LRCH1: variants seen among roughly 807,000 people sequenced by gnomAD.
The protein encoded by LRCH1 is leucine rich repeats and calponin homology domain containing 1.
In LRCH1, 23 loss-of-function variants were observed where a neutral mutation model predicts 94.9. The ratio of observed to expected loss-of-function variants is 0.24; its 90% CI spans 0.17 to 0.34. LRCH1 has a LOEUF of 0.34. Among genes scored for constraint, LRCH1 ranks in the 10% least tolerant of loss-of-function variants. The pLI is 1.00. For synonymous variants in LRCH1, 364 were observed against 354.9 expected (o/e 1.03, Z -0.29); for missense variants, 790 against 945.9 (o/e 0.84, Z 2.16).
chr13:46,711,832 T>C lies in LRCH1; in HGVS notation c.1569T>C (p.Tyr523=), dbSNP rs1471225684. 6.2e-7 allele frequency: 1 copy of C among 1,613,208 alleles called. No homozygotes were observed. Among genetic ancestry groups the C allele is most frequent in the Admixed American group, 1.7e-5 (1 of 59,980 alleles). ...CATTACAGAGTAACGGGAGCCAGTA[T>C]TCTCCAAATGAGGTAAGTTTCTTGA... ...DLTLQSNGSQ[Y]SPNEIRENSP... is the part of the protein sequence containing the mutation. Residue 523 remains tyrosine, a synonymous_variant, in exon 14 of 20, where the codon TAT becomes TAC. Transcript: ENST00000389797.
intron 16 of LRCH1, among the ~76,000 whole-genome samples, chr13:46,719,676 G>A (rs575146331): frequency 8.5e-5 from 13 of 152,188 alleles, no homozygotes; most frequent in African/African-American, 1.7e-4. Flanking sequence ...AGTAAATTGC[G>A]TATATGTGCA....
intron 19 of LRCH1, among the ~76,000 whole-genome samples, chr13:46,738,132 GAGA>G (rs1434175070): frequency 1.3e-5 from 2 of 152,178 alleles, no homozygotes; most frequent in African/African-American, 4.8e-5. Context: ...AGAAAAGATA[GAGA>G]AGAAGATTAA....
intron 2 of LRCH1, among the ~76,000 whole-genome samples, chr13:46,664,666 C>T (rs1474523310): frequency 6.6e-6 from 1 of 152,210 alleles, no homozygotes; most frequent in Non-Finnish European, 1.5e-5. Flanking sequence ...TCGAGCTGAG[C>T]ACACCTATGC....
At chr13:46,617,575 TC>T (rs1461625894) in intron 1 of LRCH1, among the ~76,000 whole-genome samples, 1 of 152,218 alleles carries the variant, frequency 6.6e-6, no homozygotes, top group Non-Finnish European at 1.5e-5. Context: ...TCGCAGGGGC[TC>T]GTCTCAACTG....
intron 11 of LRCH1, among the ~76,000 whole-genome samples, chr13:46,702,368 G>A (rs1268020192): frequency 6.6e-6 from 1 of 152,114 alleles, no homozygotes; most frequent in Non-Finnish European, 1.5e-5. Context: ...TGGGCATAGT[G>A]CCATGCGCCT....
intron 1 of LRCH1, among the ~76,000 whole-genome samples, chr13:46,593,434 G>A (rs2137966630): frequency 6.6e-6 from 1 of 151,718 alleles, no homozygotes; most frequent in African/African-American, 2.4e-5. Flanking sequence ...TCGTGCTGGA[G>A]AATACAAAGG....
intron 1 of LRCH1, among the ~76,000 whole-genome samples, chr13:46,593,211 T>G (rs2050519885): frequency 6.6e-6 from 1 of 151,944 alleles, no homozygotes. Context: ...CAGTGTATTT[T>G]CAAACATTTT....
chr13:46,708,046 A>G (rs1871858181), intron 13 of LRCH1, among the ~76,000 whole-genome samples: 2 of 152,192 alleles, frequency 1.3e-5, no homozygotes, highest in South Asian at 4.1e-4. Context: ...GCTGTAGACT[A>G]GTGGCAGCAC....
downstream of LRCH1, chr13:46,744,930 T>G (rs781487204): frequency 4.1e-5 from 40 of 981,612 alleles, no homozygotes; most frequent in Non-Finnish European, 4.6e-5. Context: ...TTTAAGATGG[T>G]CAGAGTCTAG....
intron 1 of LRCH1, among the ~76,000 whole-genome samples, chr13:46,579,126 T>C (rs562229321): frequency 6.6e-6 from 1 of 152,266 alleles, no homozygotes; most frequent in East Asian, 1.9e-4. Flanking sequence ...AAAAACAAAA[T>C]ATTCCAAAGG....
rs190267121 is a variant in LRCH1, at chr13:46,673,087, G to A, written c.579+3931G>A. Among the ~76,000 whole-genome samples the A allele has an allele frequency of 1.6e-4, 25 of 152,142 alleles. No individual in the cohort carries two copies. The East Asian group carries it at 3.7e-3, about 22-fold the overall frequency. ...GAAATAGCCAAAACGTTATTACTTC[G>A]TCACCTGTATAATATAAAAAATATT... On this transcript the variant is annotated intron_variant, in intron 3 of 19. Coordinates refer to ENST00000389797, the MANE Select transcript of LRCH1 (RefSeq NM_001164211.2).
chr13:46,629,811 AG>A (rs1349319058), intron 1 of LRCH1, among the ~76,000 whole-genome samples: 1 of 152,250 alleles, frequency 6.6e-6, no homozygotes, highest in East Asian at 1.9e-4. Flanking sequence ...CATGAACCAC[AG>A]TATCAGGGCT....
intron 17 of LRCH1, among the ~76,000 whole-genome samples, chr13:46,728,066 A>G (rs7991962): frequency 0.95 from 144,024 of 151,788 alleles, 68,648 homozygotes; most frequent in Non-Finnish European, 1. Context: ...GCAGGTACAC[A>G]TCACCACGCC....
intron 1 of LRCH1, among the ~76,000 whole-genome samples, chr13:46,623,693 G>GTTTTTTTTTTTTTTTTCTTTTTTTTTTTT (rs5803361): frequency 7.8e-6 from 1 of 128,502 alleles, no homozygotes; most frequent in Non-Finnish European, 1.6e-5. Context: ...CCCTGTCTCT[G>GTTTTTTTTTTTTTTTTCTTTTTTTTTTTT]TTTTTTTTTT....
intron 1 of LRCH1, among the ~76,000 whole-genome samples, chr13:46,583,654 G>A (rs2050397638): frequency 6.6e-6 from 1 of 152,148 alleles, no homozygotes. Flanking sequence ...GTTTCCTAGA[G>A]TAAATGTTAT....
At chr13:46,673,915 G>A (rs555823785) in intron 3 of LRCH1, among the ~76,000 whole-genome samples, 10 of 152,082 alleles carry the variant, frequency 6.6e-5, no homozygotes, top group Non-Finnish European at 7.4e-5. Context: ...CAACTAGCTG[G>A]GACTACAGGC....
chr13:46,603,620 G>A (rs1329686564), intron 1 of LRCH1, among the ~76,000 whole-genome samples: 1 of 152,150 alleles, frequency 6.6e-6, no homozygotes, highest in Non-Finnish European at 1.5e-5. Flanking sequence ...TAAACATGCT[G>A]TTTAAAAACA....
intron 1 of LRCH1, among the ~76,000 whole-genome samples, chr13:46,612,601 C>T (rs1232338198): frequency 6.6e-6 from 1 of 152,188 alleles, no homozygotes; most frequent in Non-Finnish European, 1.5e-5. Flanking sequence ...AGTTAGACCA[C>T]TCCAAGGACC....
intron 1 of LRCH1, among the ~76,000 whole-genome samples, chr13:46,648,663 T>C (rs2051253737): frequency 6.6e-6 from 1 of 152,216 alleles, no homozygotes; most frequent in Non-Finnish European, 1.5e-5. Flanking sequence ...ATTATATAGA[T>C]ATAATTGAGA....
Sources: gnomAD v4.1 joint callset for allele counts (sites outside exome capture counted in the v4.1 genomes callset) on GRCh38, gnomAD v4.1.1 for gene constraint, MANE v1.5 for transcripts, NCBI Gene and HGNC (gene_info 2026-07-23, HGNC 2026-07-21) for gene names.